The following DNER variants were observed in gnomAD, a reference collection of about 807,000 sequenced individuals.
DNER encodes the protein delta and Notch-like epidermal growth factor-related receptor.
DNER carries 33 observed loss-of-function variants against 78.2 expected under a neutral mutation model. That is an observed-to-expected ratio of 0.42 (90% CI 0.32 to 0.56). DNER has a LOEUF of 0.56. Ranked by LOEUF, DNER falls within the 20% of genes least tolerant of loss-of-function variation. The pLI is 0.11. For missense variants in DNER, 918 were observed against 975.3 expected (o/e 0.94, Z 0.78); for synonymous variants, 417 against 384.8 (o/e 1.08, Z -0.98).
At chr2:229,483,117 G>A (rs1695200165) in intron 6 of DNER, among the ~76,000 whole-genome samples, 1 of 152,136 alleles carries the variant, frequency 6.6e-6, no homozygotes, top group African/African-American at 2.4e-5. Flanking sequence ...ATAGGGAGAG[G>A]TGGCCTATGT....
chr2:229,449,758 G>A (rs1183704300), intron 7 of DNER, among the ~76,000 whole-genome samples: 1 of 152,108 alleles, frequency 6.6e-6, no homozygotes, highest in Non-Finnish European at 1.5e-5. Flanking sequence ...TTAATGCTCA[G>A]AAATAGAAAT....
At position 229,366,865 on chromosome 2, in the gene DNER, C is replaced by G; in HGVS notation, c.2102+8G>C. 1 of 1,613,984 alleles carries G rather than the reference C, an allele frequency of 6.2e-7. No homozygotes were observed. Among genetic ancestry groups the G allele is most frequent in the Non-Finnish European group, 8.5e-7 (1 of 1,179,964 alleles). On this transcript the variant is annotated splice_region_variant and intron_variant, in intron 12 of 12. Transcript: ENST00000341772. ...GGCAGCATTCCCCACGCCGCCCCCA[C>G]AGCCAACCTGGCATGCCGGATGGAT...
intron 1 of DNER, among the ~76,000 whole-genome samples, chr2:229,643,081 A>G (rs1441125080): frequency 6.6e-6 from 1 of 152,078 alleles, no homozygotes; most frequent in African/African-American, 2.4e-5. Context: ...CCCAGGCATC[A>G]TAGCATTCAC....
intron 8 of DNER, 81 bp from the exon 9 acceptor site, chr2:229,418,311 T>C (rs2106349208): frequency 6.3e-7 from 1 of 1,582,790 alleles, no homozygotes; most frequent in East Asian, 2.2e-5. Context: ...GGAAGGCAGT[T>C]GGGGGTATTC....
At chr2:229,656,496 C>T (rs1698914113) in intron 1 of DNER, among the ~76,000 whole-genome samples, 1 of 152,124 alleles carries the variant, frequency 6.6e-6, no homozygotes, top group Admixed American at 6.5e-5. Context: ...GGGCTGAGCT[C>T]CAGCTCAGCC....
At chr2:229,623,321 C>G (rs1169517742) in intron 1 of DNER, among the ~76,000 whole-genome samples, 1 of 152,150 alleles carries the variant, frequency 6.6e-6, no homozygotes, top group South Asian at 2.1e-4. Flanking sequence ...CTAATCTCCA[C>G]CCACCTTCTT....
chr2:229,492,152 G>A (rs556648794), intron 6 of DNER, among the ~76,000 whole-genome samples: 2 of 152,168 alleles, frequency 1.3e-5, no homozygotes, highest in South Asian at 2.1e-4. Flanking sequence ...AAAATCCCTG[G>A]CACATAGTAC....
chr2:229,574,152 A>G (rs1697257404), intron 4 of DNER, among the ~76,000 whole-genome samples: 1 of 152,208 alleles, frequency 6.6e-6, no homozygotes, highest in Non-Finnish European at 1.5e-5. Context: ...CGAAAACTGG[A>G]AGAAAGTTAA....
At chr2:229,586,228 G>A (rs971340548) in intron 3 of DNER, among the ~76,000 whole-genome samples, 34 of 151,970 alleles carry the variant, frequency 2.2e-4, no homozygotes, top group African/African-American at 7.7e-4. Context: ...ATGAGTCACT[G>A]GTAACTCACC....
At chr2:229,537,823 T>C (rs1016848383) in intron 5 of DNER, among the ~76,000 whole-genome samples, 1 of 152,140 alleles carries the variant, frequency 6.6e-6, no homozygotes, top group African/African-American at 2.4e-5. Flanking sequence ...TAGTTACATA[T>C]GTATACATGT....
At chr2:229,672,609 AG>A (rs777453699) in intron 1 of DNER, among the ~76,000 whole-genome samples, 1 of 151,474 alleles carries the variant, frequency 6.6e-6, no homozygotes, top group Non-Finnish European at 1.5e-5. Flanking sequence ...AGGATGAGGG[AG>A]GGAGAGAAGA....
chr2:229,423,713 A>C (rs1693812670), intron 8 of DNER, among the ~76,000 whole-genome samples: 1 of 152,216 alleles, frequency 6.6e-6, no homozygotes, highest in Non-Finnish European at 1.5e-5. Flanking sequence ...TTTTAAAAAA[A>C]CACTTCACAA....
intron 1 of DNER, among the ~76,000 whole-genome samples, chr2:229,643,560 C>T (rs372458610): frequency 3.3e-5 from 5 of 152,218 alleles, no homozygotes; most frequent in African/African-American, 9.6e-5. Flanking sequence ...AACTTTCTAG[C>T]TGTCAAACCT....
At chr2:229,425,021 G>T (rs183392267) in intron 8 of DNER, among the ~76,000 whole-genome samples, 1 of 152,324 alleles carries the variant, frequency 6.6e-6, no homozygotes, top group Admixed American at 6.5e-5. Flanking sequence ...AACTTGAAGA[G>T]ATTTGAGAAC....
intron 6 of DNER, among the ~76,000 whole-genome samples, chr2:229,485,430 G>C (rs1363265262): frequency 6.6e-6 from 1 of 152,180 alleles, no homozygotes; most frequent in Non-Finnish European, 1.5e-5. Flanking sequence ...TATAGGCTTG[G>C]AGTGTTTGAT....
At chr2:229,363,101 G>C (rs1204574855) in intron 12 of DNER, among the ~76,000 whole-genome samples, 1 of 152,158 alleles carries the variant, frequency 6.6e-6, no homozygotes, top group Non-Finnish European at 1.5e-5. Context: ...TGCTCCTGCT[G>C]GTCAGTTACA....
At chr2:229,397,567 C>G (rs1454375968) in intron 10 of DNER, among the ~76,000 whole-genome samples, 2 of 151,076 alleles carry the variant, frequency 1.3e-5, no homozygotes, top group Non-Finnish European at 2.9e-5. Flanking sequence ...CAAACAATAA[C>G]AGAATGCACA....
At chr2:229,457,962 C>G (rs1694611650) in intron 7 of DNER, among the ~76,000 whole-genome samples, 2 of 150,400 alleles carry the variant, frequency 1.3e-5, no homozygotes, top group Non-Finnish European at 3.0e-5. Context: ...GTGGTGAAAC[C>G]CTGTCTCTAC....
intron 8 of DNER, among the ~76,000 whole-genome samples, chr2:229,444,301 C>A (rs1694295457): frequency 6.6e-6 from 1 of 152,276 alleles, no homozygotes; most frequent in Non-Finnish European, 1.5e-5. Context: ...GGGCTGCCTG[C>A]CTCTCATTTC....
Sources: gnomAD v4.1 joint callset for allele counts (sites outside exome capture counted in the v4.1 genomes callset) on GRCh38, gnomAD v4.1.1 for gene constraint, MANE v1.5 for transcripts, NCBI Gene and HGNC (gene_info 2026-07-23, HGNC 2026-07-21) for gene names.